The following WDR25 variants were observed in gnomAD, a reference collection of about 807,000 sequenced individuals.
WDR25 encodes WD repeat-containing protein 25.
WDR25 carries 35 observed loss-of-function variants against 47.7 expected under a neutral mutation model. That is an observed-to-expected ratio of 0.73 (90% CI 0.56 to 0.97). WDR25 has a LOEUF of 0.97. Ranked by LOEUF, WDR25 falls within the 50% of genes least tolerant of loss-of-function variation. The pLI, the probability that WDR25 is intolerant of heterozygous loss-of-function variation, is 0.00. For synonymous variants in WDR25, 248 were observed against 278.9 expected (o/e 0.89, Z 1.10); for missense variants, 634 against 704.7 (o/e 0.90, Z 1.14).
intron 2 of WDR25, among the ~76,000 whole-genome samples, chr14:100,418,953 C>T (rs558672275): frequency 1.9e-3 from 292 of 152,248 alleles, no homozygotes; most frequent in Non-Finnish European, 3.4e-3. Context: ...GGCGTGGTGG[C>T]TCACGCCTGT....
At chr14:100,519,743 G>GTATA (rs1156801389) in intron 4 of WDR25, among the ~76,000 whole-genome samples, 7 of 124,644 alleles carry the variant, frequency 5.6e-5, no homozygotes, top group African/African-American at 2.8e-4. Context: ...TGTATATATA[G>GTATA]TATATATATA....
intron 2 of WDR25, among the ~76,000 whole-genome samples, chr14:100,421,786 G>A (rs1898033513): frequency 6.6e-6 from 1 of 152,096 alleles, no homozygotes; most frequent in African/African-American, 2.4e-5. Flanking sequence ...TATTTTAAAG[G>A]TTTATGTACA....
chr14:100,417,558 A>G lies in WDR25; in HGVS notation c.822+35812A>G, dbSNP rs776868914. Among the ~76,000 whole-genome samples, 49 of 152,170 alleles carry G rather than the reference A, an allele frequency of 3.2e-4. 1 individual carries two copies. The highest frequency in any genetic ancestry group is 5.4e-4 in the Non-Finnish European group (37 of 68,024). On this transcript the variant is annotated intron_variant, in intron 2 of 6. Coordinates refer to ENST00000402312, the MANE Select transcript of WDR25 (RefSeq NM_001161476.3). ...GGCTCCCCTTTCCAGTTCTGAGGCTACTGCGAGTCACCTTCCTCCTCCAGG... is the reference window on the plus strand; with the variant it reads ...GGCTCCCCTTTCCAGTTCTGAGGCTGCTGCGAGTCACCTTCCTCCTCCAGG...
intron 4 of WDR25, chr14:100,487,699 G>C (rs1243787846): frequency 6.6e-6 from 1 of 152,182 alleles, no homozygotes; most frequent in African/African-American, 2.4e-5. Flanking sequence ...CTTCAGTCAG[G>C]GGTGTATAAG....
chr14:100,501,947 G>A (rs1157508596), intron 4 of WDR25, among the ~76,000 whole-genome samples: 2 of 152,182 alleles, frequency 1.3e-5, no homozygotes, highest in Non-Finnish European at 2.9e-5. Context: ...CAGCAGACAA[G>A]GGCCAGCTTC....
At chr14:100,482,502 A>G (rs551425144) in intron 3 of WDR25, among the ~76,000 whole-genome samples, 2 of 152,288 alleles carry the variant, frequency 1.3e-5, no homozygotes, top group Non-Finnish European at 2.9e-5. Context: ...ATATCTATAT[A>G]TTGGTGGTAT....
chr14:100,526,879 T>C, intron 5 of WDR25, among the ~76,000 whole-genome samples: 1 of 63,868 alleles, frequency 1.6e-5, no homozygotes, highest in Non-Finnish European at 3.6e-5. Flanking sequence ...AGCATCACTA[T>C]CTTTATACCC....
intron 2 of WDR25, among the ~76,000 whole-genome samples, chr14:100,453,997 C>G (rs1337763059): frequency 1.3e-5 from 2 of 152,144 alleles, no homozygotes; most frequent in Admixed American, 1.3e-4. Context: ...TTCGAGAGAC[C>G]TTGCATCATT....
At chr14:100,490,701 C>T (rs950283403) in intron 4 of WDR25, among the ~76,000 whole-genome samples, 1 of 152,178 alleles carries the variant, frequency 6.6e-6, no homozygotes, top group African/African-American at 2.4e-5. Context: ...TTCTGTGGGG[C>T]TTCTGCCCCA....
chr14:100,485,156 CT>C (rs1048318412), intron 4 of WDR25, among the ~76,000 whole-genome samples: 10 of 152,204 alleles, frequency 6.6e-5, no homozygotes, highest in African/African-American at 2.4e-4. Context: ...GAAGGCTCTT[CT>C]GCCTGTTTCC....
intron 2 of WDR25, among the ~76,000 whole-genome samples, chr14:100,394,250 TC>T (rs1253549703): frequency 4.6e-5 from 7 of 152,108 alleles, no homozygotes; most frequent in African/African-American, 1.7e-4. Flanking sequence ...GGAGCTCAGG[TC>T]CCTCTAGGTG....
In WDR25 at chr14:100,529,300, T is replaced by C; in HGVS notation, c.1413+92T>C. On this transcript the variant is annotated intron_variant, in intron 6 of 6. Transcript: ENST00000402312. This position sits in a 1 kb window ranked among gnomAD's most constrained non-coding sequence, Gnocchi z 5.1. Reference sequence around the variant, plus strand: ...CATGGGCCCTGGGGTGCATGGAGCCTCTGTCTGGGTGGATCCTGCTTTCTG... The same window carrying C: ...CATGGGCCCTGGGGTGCATGGAGCCCCTGTCTGGGTGGATCCTGCTTTCTG... 1 of 1,555,158 alleles carries C rather than the reference T, an allele frequency of 6.4e-7. No homozygotes were observed.
intron 2 of WDR25, among the ~76,000 whole-genome samples, chr14:100,447,277 G>C (rs1380595783): frequency 6.6e-6 from 1 of 152,188 alleles, no homozygotes; most frequent in African/African-American, 2.4e-5. Context: ...ATTAGACTTG[G>C]GGATTGTTTC....
intron 2 of WDR25, among the ~76,000 whole-genome samples, chr14:100,466,109 C>T (rs1332624045): frequency 2.0e-5 from 3 of 152,202 alleles, no homozygotes; most frequent in Admixed American, 1.3e-4. Context: ...ATCTCCCTCC[C>T]GTGAATTCTT....
chr14:100,480,761 G>A (rs906781836), intron 3 of WDR25, among the ~76,000 whole-genome samples: 4 of 152,136 alleles, frequency 2.6e-5, no homozygotes, highest in African/African-American at 9.7e-5. Context: ...ATATGATAAT[G>A]CAATTATTAA....
chr14:100,415,771 G>A (rs1271197417), intron 2 of WDR25, among the ~76,000 whole-genome samples: 1 of 152,166 alleles, frequency 6.6e-6, no homozygotes, highest in Non-Finnish European at 1.5e-5. Context: ...TACTACTACT[G>A]CTGTGAGTAA....
At chr14:100,487,985 T>C (rs1352580488) in intron 4 of WDR25, among the ~76,000 whole-genome samples, 3 of 152,202 alleles carry the variant, frequency 2.0e-5, no homozygotes, top group African/African-American at 7.2e-5. Flanking sequence ...ATACAACTTT[T>C]TAGTTACTTT....
At chr14:100,423,858 A>G (rs1285766945) in intron 2 of WDR25, among the ~76,000 whole-genome samples, 1 of 152,194 alleles carries the variant, frequency 6.6e-6, no homozygotes, top group Non-Finnish European at 1.5e-5. Context: ...AGCAGCATCT[A>G]CATCTTGAGG....
chr14:100,517,154 C>T (rs1403592933), intron 4 of WDR25, among the ~76,000 whole-genome samples: 9 of 120,648 alleles, frequency 7.5e-5, no homozygotes, highest in African/African-American at 1.6e-4. Flanking sequence ...CTCGCTCTGT[C>T]GCCCAGGCTG....
Sources: allele counts gnomAD v4.1 joint callset (sites outside exome capture counted in the v4.1 genomes callset), GRCh38; gene constraint gnomAD v4.1.1; non-coding constraint Gnocchi (gnomAD v3.1); transcripts MANE v1.5; gene names NCBI Gene and HGNC (gene_info 2026-07-23, HGNC 2026-07-21).